The following CACNA2D3 variants were observed in gnomAD, a reference collection of about 807,000 sequenced individuals.
CACNA2D3 encodes voltage-dependent calcium channel subunit alpha-2/delta-3.
Under a neutral mutation model 160.6 loss-of-function variants are expected in CACNA2D3, and 60 were observed. The ratio of observed to expected loss-of-function variants is 0.37; its 90% confidence interval spans 0.30 to 0.46. The LOEUF (loss-of-function observed/expected upper bound fraction) is 0.46. CACNA2D3 is among the 20% of genes least tolerant of loss of function. CACNA2D3 has a pLI of 1.00. For synonymous variants in CACNA2D3, 558 were observed against 492.9 expected, an observed-to-expected ratio of 1.13 and a Z score of -1.75; for missense variants, 1,205 against 1,365.0, an observed-to-expected ratio of 0.88 and a Z score of 1.85.
intron 21 of CACNA2D3, among the ~76,000 whole-genome samples, chr3:54,882,387 T>TCA (rs1269940351): frequency 6.6e-6 from 1 of 151,976 alleles, no homozygotes; most frequent in African/African-American, 2.4e-5. Flanking sequence ...TCTCTCTCTC[T>TCA]CACACACACA....
intron 2 of CACNA2D3, among the ~76,000 whole-genome samples, chr3:54,187,386 G>C (rs1334406755): frequency 6.6e-6 from 1 of 152,154 alleles, no homozygotes; most frequent in East Asian, 1.9e-4. Context: ...TGAAATAATT[G>C]AACACCGCAC....
At chr3:54,157,528 C>T (rs574215755) in intron 2 of CACNA2D3, among the ~76,000 whole-genome samples, 2 of 152,256 alleles carry the variant, frequency 1.3e-5, no homozygotes, top group Admixed American at 6.5e-5. Context: ...CGGTGGCTCA[C>T]GCCTGTAATC....
chr3:54,750,355 C>G (rs1015121826), intron 11 of CACNA2D3, among the ~76,000 whole-genome samples: 20 of 152,162 alleles, frequency 1.3e-4, no homozygotes, highest in African/African-American at 4.6e-4. Context: ...AGTGGGGATA[C>G]AAGTTTTTGT....
intron 2 of CACNA2D3, among the ~76,000 whole-genome samples, chr3:54,237,658 C>T (rs1346903208): frequency 6.6e-6 from 1 of 151,954 alleles, no homozygotes; most frequent in Non-Finnish European, 1.5e-5. Context: ...CTTTTTTCTG[C>T]CTCTCAGGAA....
chr3:54,288,969 A>G (rs1703110978), intron 2 of CACNA2D3, among the ~76,000 whole-genome samples: 1 of 152,146 alleles, frequency 6.6e-6, no homozygotes, highest in African/African-American at 2.4e-5. Context: ...TATCATACTG[A>G]ATGGGCAAAA....
intron 14 of CACNA2D3, among the ~76,000 whole-genome samples, chr3:54,832,040 C>T (rs1703892327): frequency 6.6e-6 from 1 of 150,732 alleles, no homozygotes; most frequent in African/African-American, 2.4e-5. Flanking sequence ...CACACACACA[C>T]ACACACACAC....
chr3:54,208,175 G>A (rs1213868695), intron 2 of CACNA2D3, among the ~76,000 whole-genome samples: 1 of 152,014 alleles, frequency 6.6e-6, no homozygotes. Flanking sequence ...GTGCGATCTC[G>A]GCTCACTGCA....
intron 2 of CACNA2D3, among the ~76,000 whole-genome samples, chr3:54,218,228 C>A (rs969798168): frequency 5.3e-5 from 8 of 152,180 alleles, no homozygotes; most frequent in African/African-American, 1.9e-4. Context: ...CCCACTGTCA[C>A]ACCCCAGGGG....
intron 3 of CACNA2D3, among the ~76,000 whole-genome samples, chr3:54,348,815 A>G (rs1698501578): frequency 6.6e-6 from 1 of 151,888 alleles, no homozygotes; most frequent in Non-Finnish European, 1.5e-5. Context: ...TGCAACCTCC[A>G]CCTCCCAGTT....
At chr3:54,349,572 T>C (rs1698515980) in intron 3 of CACNA2D3, among the ~76,000 whole-genome samples, 1 of 152,182 alleles carries the variant, frequency 6.6e-6, no homozygotes, top group African/African-American at 2.4e-5. Context: ...TCCTTTAATT[T>C]TTGTCTGTCT....
intron 31 of CACNA2D3, among the ~76,000 whole-genome samples, chr3:54,990,357 G>T (rs1012944689): frequency 1.3e-5 from 2 of 152,054 alleles, no homozygotes; most frequent in African/African-American, 4.8e-5. Flanking sequence ...AAGGTGAAAC[G>T]CTGTCTCTAC....
At chr3:54,466,813 C>G (rs1700636429) in intron 4 of CACNA2D3, among the ~76,000 whole-genome samples, 1 of 152,092 alleles carries the variant, frequency 6.6e-6, no homozygotes, top group Non-Finnish European at 1.5e-5. Context: ...TCCTTCAAAA[C>G]TTTGGGACAG....
intron 4 of CACNA2D3, among the ~76,000 whole-genome samples, chr3:54,485,615 G>T (rs1352840877): frequency 6.6e-6 from 1 of 151,482 alleles, no homozygotes; most frequent in Non-Finnish European, 1.5e-5. Flanking sequence ...CCAGGCTGGA[G>T]TGCAGTTGTG....
At chr3:54,556,103 G>A (rs1392121588) in intron 5 of CACNA2D3, among the ~76,000 whole-genome samples, 1 of 152,192 alleles carries the variant, frequency 6.6e-6, no homozygotes, top group African/African-American at 2.4e-5. Flanking sequence ...GGTATGTTGT[G>A]TAGGATAATT....
intron 5 of CACNA2D3, among the ~76,000 whole-genome samples, chr3:54,509,583 C>G (rs76465960): frequency 0.025 from 3,842 of 152,228 alleles, 83 homozygotes; most frequent in Non-Finnish European, 0.034. Context: ...CACTCGAGAA[C>G]CTCCTCGCAC....
At chr3:54,460,808 C>T (rs1355610440) in intron 4 of CACNA2D3, among the ~76,000 whole-genome samples, 1 of 152,172 alleles carries the variant, frequency 6.6e-6, no homozygotes, top group East Asian at 1.9e-4. Context: ...ACTTCCAACA[C>T]TATGTTGAAT....
At chr3:54,954,262 T>A (rs1227990813) in intron 27 of CACNA2D3, among the ~76,000 whole-genome samples, 1 of 152,164 alleles carries the variant, frequency 6.6e-6, no homozygotes, top group African/African-American at 2.4e-5. Context: ...AGTCGGCAGC[T>A]CCCTGGGCCT....
intron 11 of CACNA2D3, among the ~76,000 whole-genome samples, chr3:54,669,754 T>G (rs1700125934): frequency 6.6e-6 from 1 of 152,114 alleles, no homozygotes; most frequent in Non-Finnish European, 1.5e-5. Context: ...AAAAAACTTT[T>G]AATTTTATTT....
At chr3:54,684,196 G>A (rs1700407009) in intron 11 of CACNA2D3, among the ~76,000 whole-genome samples, 1 of 152,034 alleles carries the variant, frequency 6.6e-6, no homozygotes, top group Non-Finnish European at 1.5e-5. Context: ...CCTGACCCAT[G>A]TAATCTGCCC....
Sources: allele counts gnomAD v4.1 joint callset (sites outside exome capture counted in the v4.1 genomes callset), GRCh38; gene constraint gnomAD v4.1.1; transcripts MANE v1.5; gene names NCBI Gene and HGNC (gene_info 2026-07-23, HGNC 2026-07-21).